CERS6: variants seen among roughly 807,000 people sequenced by gnomAD.
The protein encoded by CERS6 is LAG1 homolog, ceramide synthase 6.
In CERS6, 26 loss-of-function variants were observed where a neutral mutation model predicts 56.8. The observed-to-expected ratio is 0.46, with a 90% CI of 0.34 to 0.63. The LOEUF is 0.63. CERS6 is among the 30% of genes least tolerant of loss of function. CERS6 has a pLI of 0.01. For synonymous variants in CERS6, 164 were observed against 173.3 expected (o/e 0.95, Z 0.42); for missense variants, 415 against 467.5 (o/e 0.89, Z 1.04).
At chr2:168,741,013 G>A (rs1252897292) in intron 8 of CERS6, among the ~76,000 whole-genome samples, 1 of 152,092 alleles carries the variant, frequency 6.6e-6, no homozygotes, top group African/African-American at 2.4e-5. Flanking sequence ...GGTAGAGAGA[G>A]TGATGCTGCA....
chr2:168,733,773 C>A (rs748792960), intron 8 of CERS6, among the ~76,000 whole-genome samples: 13 of 152,284 alleles, frequency 8.5e-5, no homozygotes, highest in Non-Finnish European at 1.9e-4. Flanking sequence ...TAAAGGTTGA[C>A]AAGGGTCTTG....
chr2:168,722,121 T>C (rs1683194138), intron 8 of CERS6, among the ~76,000 whole-genome samples: 1 of 152,206 alleles, frequency 6.6e-6, no homozygotes, highest in Non-Finnish European at 1.5e-5. Context: ...TTTGTCTTTT[T>C]ATTGTTGTAA....
intron 3 of CERS6, among the ~76,000 whole-genome samples, chr2:168,565,303 G>GT (rs1695864942): frequency 6.6e-6 from 1 of 152,140 alleles, no homozygotes; most frequent in African/African-American, 2.4e-5. Flanking sequence ...CAAAATACAC[G>GT]TGCCCGAGCC....
At chr2:168,536,992 T>C (rs1048515957) in intron 1 of CERS6, among the ~76,000 whole-genome samples, 9 of 152,222 alleles carry the variant, frequency 5.9e-5, no homozygotes, top group African/African-American at 1.9e-4. Flanking sequence ...GTGTTATTTG[T>C]AAATGCCTTT....
intron 8 of CERS6, among the ~76,000 whole-genome samples, chr2:168,719,811 G>T (rs918168269): frequency 5.3e-5 from 8 of 151,484 alleles, no homozygotes; most frequent in Non-Finnish European, 1.2e-4. Context: ...CTGTCCAAAA[G>T]AAATATAATG....
chr2:168,460,372 T>A (rs1398487313), intron 1 of CERS6, among the ~76,000 whole-genome samples: 1 of 152,030 alleles, frequency 6.6e-6, no homozygotes, highest in Non-Finnish European at 1.5e-5. Context: ...TTTTTTGTAA[T>A]TTTTTGTAGA....
intron 1 of CERS6, among the ~76,000 whole-genome samples, chr2:168,539,636 C>T (rs1695330306): frequency 6.6e-6 from 1 of 152,208 alleles, no homozygotes; most frequent in Admixed American, 6.5e-5. Context: ...TCTAAACATG[C>T]ACCTGCATAT....
intron 3 of CERS6, among the ~76,000 whole-genome samples, chr2:168,568,740 T>C (rs992410252): frequency 1.3e-5 from 2 of 152,238 alleles, no homozygotes; most frequent in African/African-American, 4.8e-5. Context: ...GATCTGTAAG[T>C]CATTGACCTG....
chr2:168,500,671 A>G (rs1445254735), intron 1 of CERS6, among the ~76,000 whole-genome samples: 1 of 152,248 alleles, frequency 6.6e-6, no homozygotes, highest in African/African-American at 2.4e-5. Context: ...TATTTAAAGA[A>G]TTCAAACCAA....
At chr2:168,569,348 T>A (rs1347370776) in intron 3 of CERS6, among the ~76,000 whole-genome samples, 3 of 152,216 alleles carry the variant, frequency 2.0e-5, no homozygotes, top group Non-Finnish European at 4.4e-5. Flanking sequence ...ACGTATGTGT[T>A]CTGGGGGCAC....
chr2:168,610,085 C>T (rs1684149406), intron 3 of CERS6, among the ~76,000 whole-genome samples: 1 of 146,226 alleles, frequency 6.8e-6, no homozygotes, highest in Non-Finnish European at 1.5e-5. Flanking sequence ...TCATGCCGTT[C>T]TCCTGCTTCA....
intron 1 of CERS6, among the ~76,000 whole-genome samples, chr2:168,500,877 TATC>T (rs1464532498): frequency 1.3e-5 from 2 of 152,218 alleles, no homozygotes; most frequent in Non-Finnish European, 1.5e-5. Context: ...TAACTGTGGG[TATC>T]TAAATGTTGG....
At chr2:168,597,495 G>C (rs535464368) in intron 3 of CERS6, among the ~76,000 whole-genome samples, 9 of 152,272 alleles carry the variant, frequency 5.9e-5, no homozygotes, top group Admixed American at 5.2e-4. Flanking sequence ...AGGTGTGTCT[G>C]CCTTACAGGG....
chr2:168,550,378 A>C (rs895653118), intron 2 of CERS6, among the ~76,000 whole-genome samples: 2 of 151,976 alleles, frequency 1.3e-5, no homozygotes, highest in African/African-American at 4.8e-5. Context: ...GGGCCTCACT[A>C]TGTTGCCCAG....
rs139354310 is a variant in CERS6, at chr2:168,481,655, A to G, written c.170+25037A>G. Among the ~76,000 whole-genome samples, 928 of 152,338 alleles carry G rather than the reference A, an allele frequency of 6.1e-3. 9 individuals are homozygous for G. Among genetic ancestry groups the G allele is most frequent in the African/African-American group, 0.02 (834 of 41,578 alleles). On this transcript the variant is annotated intron_variant, in intron 1 of 9. Transcript: ENST00000305747. The stretch of plus-strand genomic sequence containing the variant: ...CTTTAGAATATCATAAAGCTCTTCA[A>G]TGCCCAATGTTTCTTTTGACTTTAG...
chr2:168,512,667 T>C (rs1002335773), intron 1 of CERS6, among the ~76,000 whole-genome samples: 4 of 140,086 alleles, frequency 2.9e-5, no homozygotes, highest in Non-Finnish European at 4.9e-5. Context: ...CTATTTTCTT[T>C]TCTTTTTTTT....
chr2:168,666,126 CT>C (rs1404054025), intron 4 of CERS6, among the ~76,000 whole-genome samples: 1 of 152,212 alleles, frequency 6.6e-6, no homozygotes, highest in East Asian at 1.9e-4. Flanking sequence ...ATTAGTGGTA[CT>C]TTTGTTACAG....
intron 1 of CERS6, among the ~76,000 whole-genome samples, chr2:168,483,283 ATT>A (rs199864964): frequency 8.2e-5 from 12 of 146,418 alleles, no homozygotes; most frequent in South Asian, 2.2e-4. Flanking sequence ...TTACATAGCT[ATT>A]TTTTTTTTTT....
chr2:168,664,202 T>A lies in CERS6; in HGVS notation c.466-26832T>A, dbSNP rs960902652. 8.5e-5 allele frequency among the ~76,000 whole-genome samples: 13 copies of A among 152,296 alleles called. No homozygotes were observed. The East Asian group carries it at 1.4e-3, about 16-fold the overall frequency. On this transcript the variant is annotated intron_variant, in intron 4 of 9. Coordinates refer to ENST00000305747, the MANE Select transcript of CERS6 (RefSeq NM_203463.3). ...AGGGCTAGGATGTTTTGGTGGTGAATAACATACATGAGAAGTGTTGTGGGG... is the reference window on the plus strand; with the variant it reads ...AGGGCTAGGATGTTTTGGTGGTGAAAAACATACATGAGAAGTGTTGTGGGG...
Sources: gnomAD v4.1 joint callset for allele counts (sites outside exome capture counted in the v4.1 genomes callset) on GRCh38, gnomAD v4.1.1 for gene constraint, MANE v1.5 for transcripts, NCBI Gene and HGNC (gene_info 2026-07-23, HGNC 2026-07-21) for gene names.